CNTNAP2: variants seen among roughly 807,000 people sequenced by gnomAD.
The protein encoded by CNTNAP2 is contactin associated protein 2, also known as contactin-associated protein-like 2.
CNTNAP2 carries 98 observed loss-of-function variants against 155.2 expected under a neutral mutation model. The ratio of observed to expected loss-of-function variants is 0.63; its 90% CI spans 0.54 to 0.75. The LOEUF is 0.75. CNTNAP2 is among the 30% of genes least tolerant of loss of function. CNTNAP2 has a pLI of 0.00. For missense variants in CNTNAP2, 1,727 were observed against 1,688.1 expected (o/e 1.02, Z -0.40); for synonymous variants, 651 against 631.2 (o/e 1.03, Z -0.47).
At chr7:148,095,694 C>A (rs948953378) in intron 15 of CNTNAP2, among the ~76,000 whole-genome samples, 13 of 152,154 alleles carry the variant, frequency 8.5e-5, no homozygotes, top group Admixed American at 8.5e-4. Context: ...CAGGCTGAAA[C>A]ACACAAAAAG....
At chr7:148,105,622 C>G (rs1339200972) in intron 15 of CNTNAP2, among the ~76,000 whole-genome samples, 2 of 150,726 alleles carry the variant, frequency 1.3e-5, no homozygotes, top group Admixed American at 1.3e-4. Context: ...GAGTCTTGCT[C>G]TGTTGCCCAG....
intron 15 of CNTNAP2, among the ~76,000 whole-genome samples, chr7:148,031,629 T>C (rs1220146303): frequency 1.3e-5 from 2 of 152,198 alleles, no homozygotes; most frequent in Non-Finnish European, 2.9e-5. Context: ...GAAGTATTAA[T>C]AGCATCCAGT....
chr7:146,117,099 C>T lies in CNTNAP2; in HGVS notation c.97+126C>T, dbSNP rs890045615. 24 of 795,316 alleles carry T rather than the reference C, an allele frequency of 3.0e-5. No homozygotes were observed. The East Asian group carries it at 3.3e-4, about 11-fold the overall frequency. 49.3% of individuals were successfully genotyped at this position (795,316 alleles called of 1,614,324 possible). A position where few individuals can be genotyped will look rare whatever the true frequency, so the allele number is the denominator to read the frequency against. Reference sequence around the variant, plus strand: ...CCTGATGTGTTTGTGTCTCCGCTGTCACACACTTGCAGCCACTGCAGTAGA... The same window carrying T: ...CCTGATGTGTTTGTGTCTCCGCTGTTACACACTTGCAGCCACTGCAGTAGA... On this transcript the variant is annotated intron_variant, in intron 1 of 23. Transcript: ENST00000361727.
intron 9 of CNTNAP2, among the ~76,000 whole-genome samples, chr7:147,380,063 A>T (rs1158578748): frequency 6.6e-6 from 1 of 152,116 alleles, no homozygotes. Context: ...CGTCCTAGGA[A>T]ATGTAATCCT....
At chr7:147,853,605 C>A (rs946307283) in intron 13 of CNTNAP2, among the ~76,000 whole-genome samples, 3 of 152,148 alleles carry the variant, frequency 2.0e-5, no homozygotes, top group Non-Finnish European at 2.9e-5. Flanking sequence ...CTGCTTTGCC[C>A]TGTGAGCACT....
At chr7:146,980,470 G>A (rs150750185) in intron 3 of CNTNAP2, among the ~76,000 whole-genome samples, 1 of 152,210 alleles carries the variant, frequency 6.6e-6, no homozygotes, top group East Asian at 1.9e-4. Flanking sequence ...GACCAGGTGT[G>A]GAATCTGTTT....
intron 3 of CNTNAP2, among the ~76,000 whole-genome samples, chr7:146,957,016 T>G (rs371153289): frequency 6.6e-6 from 1 of 152,190 alleles, no homozygotes; most frequent in Non-Finnish European, 1.5e-5. Context: ...AGCATCATCA[T>G]GAACAGTCAT....
intron 3 of CNTNAP2, among the ~76,000 whole-genome samples, chr7:146,868,497 C>T (rs995731343): frequency 7.9e-5 from 12 of 152,038 alleles, no homozygotes; most frequent in African/African-American, 1.4e-4. Flanking sequence ...CTTGGCTATG[C>T]GGGCTCATTT....
chr7:146,375,095 C>T (rs1265554570), intron 1 of CNTNAP2, among the ~76,000 whole-genome samples: 3 of 152,166 alleles, frequency 2.0e-5, no homozygotes, highest in Non-Finnish European at 1.5e-5. Flanking sequence ...CACTTGTGTT[C>T]ACAAAAACAA....
intron 1 of CNTNAP2, among the ~76,000 whole-genome samples, chr7:146,526,880 G>T (rs367898017): frequency 2.0e-5 from 3 of 151,906 alleles, no homozygotes; most frequent in African/African-American, 7.3e-5. Flanking sequence ...GTCAGTTTAC[G>T]TTGTGACCAT....
chr7:146,657,392 C>T (rs1003315020), intron 1 of CNTNAP2, among the ~76,000 whole-genome samples: 1 of 152,150 alleles, frequency 6.6e-6, no homozygotes, highest in Non-Finnish European at 1.5e-5. Context: ...AGTTGATGAA[C>T]TTTATGAGAG....
chr7:146,670,700 C>T (rs572867669), intron 1 of CNTNAP2, among the ~76,000 whole-genome samples: 23 of 152,166 alleles, frequency 1.5e-4, no homozygotes, highest in East Asian at 9.7e-4. Context: ...CTCTCAATTA[C>T]ACAAGGAGAC....
intron 14 of CNTNAP2, among the ~76,000 whole-genome samples, chr7:147,973,759 TC>T (rs1238450177): frequency 1.3e-5 from 2 of 152,294 alleles, no homozygotes; most frequent in South Asian, 4.1e-4. Context: ...TTTTGGTTTT[TC>T]CCCTTTTTAA....
At chr7:147,359,732 C>T (rs1404183283) in intron 9 of CNTNAP2, among the ~76,000 whole-genome samples, 1 of 152,112 alleles carries the variant, frequency 6.6e-6, no homozygotes, top group African/African-American at 2.4e-5. Context: ...GGCCACTTGT[C>T]TCCTCTTCTT....
intron 8 of CNTNAP2, among the ~76,000 whole-genome samples, chr7:147,135,983 T>C (rs1801469708): frequency 6.6e-6 from 1 of 151,450 alleles, no homozygotes; most frequent in Non-Finnish European, 1.5e-5. Context: ...AATATTATAA[T>C]GGTAGTAAAA....
intron 2 of CNTNAP2, among the ~76,000 whole-genome samples, chr7:146,802,130 A>G (rs1315833704): frequency 1.3e-5 from 2 of 152,224 alleles, no homozygotes; most frequent in African/African-American, 4.8e-5. Flanking sequence ...TCACAGTTCT[A>G]TAGGTCAGAA....
chr7:148,211,819 T>C (rs1795556969), intron 18 of CNTNAP2, among the ~76,000 whole-genome samples: 1 of 152,232 alleles, frequency 6.6e-6, no homozygotes, highest in Non-Finnish European at 1.5e-5. Flanking sequence ...TGAAGTCTCC[T>C]GGCAAACTCA....
intron 8 of CNTNAP2, among the ~76,000 whole-genome samples, chr7:147,291,718 T>A (rs1286483843): frequency 2.0e-5 from 3 of 152,080 alleles, no homozygotes; most frequent in African/African-American, 7.2e-5. Context: ...TTGTCCAGAG[T>A]TTTCCAAAAA....
intron 1 of CNTNAP2, among the ~76,000 whole-genome samples, chr7:146,237,489 G>A (rs1017559805): frequency 3.3e-5 from 5 of 152,166 alleles, no homozygotes; most frequent in African/African-American, 1.2e-4. Context: ...TGATCAATCC[G>A]TAAGTTACAT....
Sources: gnomAD v4.1 joint callset for allele counts (sites outside exome capture counted in the v4.1 genomes callset) on GRCh38, gnomAD v4.1.1 for gene constraint, MANE v1.5 for transcripts, NCBI Gene and HGNC (gene_info 2026-07-23, HGNC 2026-07-21) for gene names.